The following KLHL18 variants were observed in gnomAD, a reference collection of about 807,000 sequenced individuals.
The protein encoded by KLHL18 is kelch-like protein 18.
In KLHL18, 38 loss-of-function variants were observed where a neutral mutation model predicts 58.5. The observed-to-expected ratio is 0.65, with a 90% CI of 0.50 to 0.85. The LOEUF (loss-of-function observed/expected upper bound fraction) is 0.85. KLHL18 is among the 40% of genes least tolerant of loss of function. KLHL18 has a pLI of 0.00. For missense variants in KLHL18, 624 were observed against 778.4 expected (o/e 0.80, Z 2.36); for synonymous variants, 303 against 301.9 (o/e 1.00, Z -0.04).
intron 1 of KLHL18, among the ~76,000 whole-genome samples, chr3:47,307,952 T>A (rs1703188230): frequency 6.6e-6 from 1 of 152,240 alleles, no homozygotes; most frequent in South Asian, 2.1e-4. Context: ...TTATAGGTGT[T>A]GACATCTGAT....
rs192278157 is a variant in KLHL18, at chr3:47,318,503, C to A, written c.130-1150C>A. ...TGTTGGTCACATAGACCAACCCTGACATGTTGTGGGAGGGGACTGCACAAG... is the reference window on the plus strand; with the variant it reads ...TGTTGGTCACATAGACCAACCCTGAAATGTTGTGGGAGGGGACTGCACAAG... On this transcript the variant is annotated intron_variant, in intron 1 of 9. Transcript: ENST00000232766. Among the ~76,000 whole-genome samples the A allele has an allele frequency of 5.3e-5, 8 of 152,292 alleles. No individual in the cohort carries two copies. The East Asian group carries it at 1.5e-3, about 29-fold the overall frequency.
chr3:47,316,497 A>ATG (rs1421597190), intron 1 of KLHL18, among the ~76,000 whole-genome samples: 1 of 6,960 alleles, frequency 1.4e-4, no homozygotes, highest in African/African-American at 1.9e-4. Flanking sequence ...ATATACATAT[A>ATG]TATGTATATA....
chr3:47,288,295 G>C (rs528974797), intron 1 of KLHL18, among the ~76,000 whole-genome samples: 1 of 145,490 alleles, frequency 6.9e-6, no homozygotes, highest in African/African-American at 2.6e-5. Flanking sequence ...TACAAATGAA[G>C]ACCCAAGCCC....
chr3:47,319,814 C>T, intron 2 of KLHL18, 31 bp downstream of exon 2: 1 of 1,609,486 alleles, frequency 6.2e-7, no homozygotes, highest in African/African-American at 1.3e-5. Flanking sequence ...GTTTCGCAGG[C>T]TGCTTTCCAA....
chr3:47,318,119 C>G (rs1049851389), intron 1 of KLHL18, among the ~76,000 whole-genome samples: 4 of 152,174 alleles, frequency 2.6e-5, no homozygotes, highest in African/African-American at 9.7e-5. Flanking sequence ...CCTTCCTTGG[C>G]CTCCCAAAGT....
rs936514331 is a variant in KLHL18, at chr3:47,344,870, G to C, written c.*929G>C. The C allele has an allele frequency of 6.6e-6, 1 of 152,564 alleles. No homozygotes were observed. The highest frequency in any genetic ancestry group is 1.5e-5 in the Non-Finnish European group (1 of 68,056). 9.5% of individuals were successfully genotyped at this position (152,564 alleles called of 1,614,324 possible). A position where few individuals can be genotyped will look rare whatever the true frequency, so the allele number is the denominator to read the frequency against. On this transcript the variant is annotated 3_prime_UTR_variant, in exon 10 of 10. Coordinates refer to ENST00000232766, the MANE Select transcript of KLHL18 (RefSeq NM_025010.5). ...GTGGAATCAGTGCACTCTTGACTGGGCCTGTAGTAAGGTGCTCATGGGGTT... is the reference window on the plus strand; with the variant it reads ...GTGGAATCAGTGCACTCTTGACTGGCCCTGTAGTAAGGTGCTCATGGGGTT...
chr3:47,339,653 C>G (rs1219185891), intron 7 of KLHL18, among the ~76,000 whole-genome samples: 1 of 152,146 alleles, frequency 6.6e-6, no homozygotes, highest in Non-Finnish European at 1.5e-5. Context: ...AGAGGTAACA[C>G]AACAAACATA....
chr3:47,336,599 C>T lies in KLHL18; in HGVS notation c.963C>T (p.Pro321=). 1 of 1,614,238 alleles carries T rather than the reference C, an allele frequency of 6.2e-7. No individual in the cohort carries two copies. Among genetic ancestry groups the T allele is most frequent in the South Asian group, 1.1e-5 (1 of 91,082 alleles). ...CCAATTGCTGGGAGAGATGCCGTCC[C>T]ATGACAACAGCCCGCAGCCGCGTTG... ...PIANCWERCR[P]MTTARSRVGV... Residue 321 remains proline (P), a synonymous_variant, in exon 7 of 10, where the codon CCC becomes CCT. Transcript: ENST00000232766.
chr3:47,304,214 A>G (rs1256859958), intron 1 of KLHL18, among the ~76,000 whole-genome samples: 1 of 152,214 alleles, frequency 6.6e-6, no homozygotes, highest in Non-Finnish European at 1.5e-5. Flanking sequence ...TTTTAGAATA[A>G]TATCATCTAT....
chr3:47,321,540 G>C (rs1703588670), intron 2 of KLHL18, among the ~76,000 whole-genome samples: 2 of 152,048 alleles, frequency 1.3e-5, no homozygotes, highest in South Asian at 4.1e-4. Context: ...AGTAGACACA[G>C]GGTTTTGCCA....
intron 1 of KLHL18, among the ~76,000 whole-genome samples, chr3:47,289,046 A>AT (rs1333753286): frequency 6.6e-6 from 1 of 151,834 alleles, no homozygotes; most frequent in East Asian, 1.9e-4. Context: ...TTATATATTT[A>AT]TTTTTTCCCC....
At chr3:47,341,913 A>G (rs1704117231) in intron 8 of KLHL18, among the ~76,000 whole-genome samples, 1 of 151,490 alleles carries the variant, frequency 6.6e-6, no homozygotes, top group South Asian at 2.2e-4. Context: ...AAAAAAAAAA[A>G]AAAAGGAGAG....
intron 2 of KLHL18, 44 bp from the exon 3 acceptor site, chr3:47,322,524 A>G: frequency 6.5e-7 from 1 of 1,535,744 alleles, no homozygotes; most frequent in Non-Finnish European, 8.8e-7. Context: ...GTGGGCCAAG[A>G]CTCGTCTCTG....
In KLHL18 at chr3:47,330,375, G is replaced by C. The variant is rs1703828776; in HGVS notation, c.600+226G>C. Among the ~76,000 whole-genome samples, 4 of 152,232 alleles carry C rather than the reference G, an allele frequency of 2.6e-5. No individual in the cohort carries two copies. In the South Asian group the frequency reaches 8.3e-4, roughly 32 times the overall value. On this transcript the variant is annotated intron_variant, in intron 4 of 9. Transcript: ENST00000232766. ...GCTCTGTCACCTAGGCTGGAGTGCA[G>C]TAGCAAGATCATAGCTTACTGCAGC...
chr3:47,291,995 A>G (rs1702800501), intron 1 of KLHL18, among the ~76,000 whole-genome samples: 1 of 152,242 alleles, frequency 6.6e-6, no homozygotes, highest in African/African-American at 2.4e-5. Flanking sequence ...GAAGCTGAGG[A>G]TGCTTAGCTG....
chr3:47,333,146 T>A lies in KLHL18; in HGVS notation c.601-11T>A, dbSNP rs763166021. 1.2e-6 allele frequency: 2 copies of A among 1,610,350 alleles called. No individual in the cohort carries two copies. Among genetic ancestry groups the A allele is most frequent in the Non-Finnish European group, 1.7e-6 (2 of 1,178,012 alleles). On this transcript the variant is annotated splice_polypyrimidine_tract_variant and intron_variant, in intron 4 of 9. Coordinates refer to ENST00000232766, the MANE Select transcript of KLHL18 (RefSeq NM_025010.5). ...GAGGATTTGCTGCCAGAACATCCAC[T>A]CTCATGACAGGTCTTTGAAGCTGCA...
intron 1 of KLHL18, chr3:47,297,736 A>G (rs889947890): frequency 1.2e-5 from 5 of 431,642 alleles, no homozygotes; most frequent in Admixed American, 7.7e-5. Context: ...TTTAGATGAA[A>G]TAGGCTTTAG....
In KLHL18 at chr3:47,342,769, C is replaced by T; in HGVS notation, c.1277C>T (p.Thr426Ile). The change falls in exon 9 of 10, where the codon ACA becomes ATA. Residue 426 changes from threonine to isoleucine, a missense_variant. By Grantham distance (89) the Thr-to-Ile change is moderately conservative (BLOSUM62 -1). Transcript: ENST00000232766. ...TCGAATCGCAGTGCTGCTGGGGTTA[C>T]AGTCTTTGAGGGCAGGATATATGTG... The part of the protein sequence containing the change: ...MSSNRSAAGV[T>I]VFEGRIYVSG... The T allele has an allele frequency of 6.2e-7, 1 of 1,614,182 alleles. No individual in the cohort carries two copies. Among genetic ancestry groups the T allele is most frequent in the Non-Finnish European group, 8.5e-7 (1 of 1,180,036 alleles).
intron 2 of KLHL18, among the ~76,000 whole-genome samples, chr3:47,320,466 A>G (rs529299298): frequency 2.0e-5 from 3 of 152,298 alleles, no homozygotes; most frequent in East Asian, 1.9e-4. Context: ...ATCAAGCCCA[A>G]GGTTATCCCC....
Sources: allele counts gnomAD v4.1 joint callset (sites outside exome capture counted in the v4.1 genomes callset), GRCh38; gene constraint gnomAD v4.1.1; transcripts MANE v1.5; gene names NCBI Gene and HGNC (gene_info 2026-07-23, HGNC 2026-07-21).